Variants in WHR1 observed in about 807,000 individuals in gnomAD.
WHR1 encodes the protein MHC class III HLA-RP1.
the WHR1 span, chr6:31,972,815 T>A: frequency 6.3e-7 from 1 of 1,593,954 alleles, no homozygotes; most frequent in Non-Finnish European, 8.5e-7. The surrounding 1 kb of genome is among the most constrained non-coding windows in gnomAD (Gnocchi z 6.3). Flanking sequence ...GAATTCCCTG[T>A]CACTCAGTCA....
chr6:31,972,362 T>C, the WHR1 span: 8 of 1,613,050 alleles, frequency 5.0e-6, no homozygotes, highest in African/African-American at 1.3e-5. The surrounding 1 kb of genome is among the most constrained non-coding windows in gnomAD (Gnocchi z 6.3). Flanking sequence ...ATTTTCAGGT[T>C]CTCTTCCCTC....
the WHR1 span, chr6:31,973,124 G>A: frequency 4.2e-6 from 2 of 477,406 alleles, no homozygotes; most frequent in African/African-American, 2.0e-5. Flanking sequence ...TGGTGTATTG[G>A]AGATAGTGGA....
At chr6:31,976,946 A>C in the WHR1 span, among the ~76,000 whole-genome samples, 1 of 152,210 alleles carries the variant, frequency 6.6e-6, no homozygotes, top group Non-Finnish European at 1.5e-5. Context: ...CGGCAGGCTG[A>C]GGCAGGAGAG....
chr6:31,981,344 G>A, the WHR1 span: 14 of 20,176 alleles, frequency 6.9e-4, no homozygotes, highest in East Asian at 9.4e-3. Flanking sequence ...ACTCTGTCTT[G>A]AAATAGGAAG....
chr6:31,980,771 A>G, the WHR1 span: 10 of 1,596,156 alleles, frequency 6.3e-6, no homozygotes, highest in Non-Finnish European at 7.7e-6. Context: ...TACCATGTGC[A>G]CGACCTCATT....
the WHR1 span, chr6:31,971,694 G>A: frequency 1.1e-5 from 18 of 1,587,842 alleles, no homozygotes; most frequent in Non-Finnish European, 1.5e-5. The surrounding 1 kb of genome is among the most constrained non-coding windows in gnomAD (Gnocchi z 4.5). Context: ...AAGACAAGCA[G>A]GGGTACAGAG....
the WHR1 span, chr6:31,971,981 C>T: frequency 6.3e-7 from 1 of 1,589,330 alleles, no homozygotes; most frequent in Non-Finnish European, 8.6e-7. The surrounding 1 kb of genome is among the most constrained non-coding windows in gnomAD (Gnocchi z 4.5). Flanking sequence ...ATGGCAGGCA[C>T]GCCAGAGGCC....
At chr6:31,980,700 A>C in the WHR1 span, 1 of 1,549,396 alleles carries the variant, frequency 6.5e-7, no homozygotes, top group Non-Finnish European at 8.8e-7. Context: ...AGTACCGGGA[A>C]CTGCTCCTAT....
At chr6:31,976,368 G>A in the WHR1 span, among the ~76,000 whole-genome samples, 2 of 151,886 alleles carry the variant, frequency 1.3e-5, no homozygotes, top group South Asian at 2.1e-4. Context: ...CTTCTCAGAC[G>A]GGGAGGCTGG....
the WHR1 span, chr6:31,972,103 C>A: frequency 6.2e-7 from 1 of 1,613,128 alleles, no homozygotes; most frequent in South Asian, 1.1e-5. This position sits in a 1 kb window ranked among gnomAD's most constrained non-coding sequence, Gnocchi z 6.3. Context: ...GAGGTTGACA[C>A]CAACGTGGCC....
chr6:31,972,909 A>C, the WHR1 span: 1 of 1,291,016 alleles, frequency 7.7e-7, no homozygotes, highest in Non-Finnish European at 1.1e-6. The surrounding 1 kb of genome is among the most constrained non-coding windows in gnomAD (Gnocchi z 6.3). Flanking sequence ...ACCCTGTTAA[A>C]AGTCCCGCAG....
chr6:31,972,069 G>A, the WHR1 span: 7 of 1,612,620 alleles, frequency 4.3e-6, no homozygotes, highest in South Asian at 7.7e-5. The surrounding 1 kb of genome is among the most constrained non-coding windows in gnomAD (Gnocchi z 6.3). Context: ...CTCCCGGGGC[G>A]GGGGAGGTGT....
At chr6:31,972,749 C>T in the WHR1 span, 2 of 1,612,240 alleles carry the variant, frequency 1.2e-6, no homozygotes, top group Non-Finnish European at 8.5e-7. The surrounding 1 kb of genome is among the most constrained non-coding windows in gnomAD (Gnocchi z 6.3). Context: ...CGTGGCCGAC[C>T]GGCAGCTGGT....
At chr6:31,979,081 CAAAAG>C in the WHR1 span, 157 of 1,447,656 alleles carry the variant, frequency 1.1e-4, no homozygotes, top group African/African-American at 1.8e-3. Flanking sequence ...GAAATAAAAA[CAAAAG>C]AAAGAATTTC....
chr6:31,980,417 G>GC, the WHR1 span: 1 of 1,574,410 alleles, frequency 6.4e-7, no homozygotes, highest in African/African-American at 1.4e-5. Flanking sequence ...TCAGAGCCCA[G>GC]CCCTCATCTC....
chr6:31,979,026 TGGGG>T, the WHR1 span: 3 of 1,604,496 alleles, frequency 1.9e-6, no homozygotes, highest in African/African-American at 4.1e-5. Context: ...TCAGGGGTGC[TGGGG>T]GGAGGGCACA....
chr6:31,974,088 A>G, the WHR1 span, among the ~76,000 whole-genome samples: 1 of 152,106 alleles, frequency 6.6e-6, no homozygotes, highest in African/African-American at 2.4e-5. Flanking sequence ...GTTTGATACC[A>G]GCATGGGCAA....
At chr6:31,972,435 G>C in the WHR1 span, 2 of 1,613,088 alleles carry the variant, frequency 1.2e-6, no homozygotes, top group Admixed American at 1.7e-5. This position sits in a 1 kb window ranked among gnomAD's most constrained non-coding sequence, Gnocchi z 6.3. Flanking sequence ...GGCATCACCT[G>C]ATCCCGGAGA....
the WHR1 span, chr6:31,980,066 A>G: frequency 3.4e-5 from 9 of 266,742 alleles, no homozygotes; most frequent in African/African-American, 2.0e-4. Flanking sequence ...ACACTCTCAG[A>G]GAGATGTGGT....
Sources: allele counts gnomAD v4.1 joint callset (sites outside exome capture counted in the v4.1 genomes callset), GRCh38; gene constraint gnomAD v4.1.1; non-coding constraint Gnocchi (gnomAD v3.1); transcripts MANE v1.5; gene names NCBI Gene and HGNC (gene_info 2026-07-23, HGNC 2026-07-21).